Variants in WSCD2 observed in about 807,000 individuals in gnomAD.
WSCD2 encodes sialate:O-sulfotransferase 2.
In WSCD2, 28 loss-of-function variants were observed where a neutral mutation model predicts 55.7. The observed-to-expected ratio is 0.50, with a 90% CI of 0.37 to 0.69. The LOEUF is 0.69. Ranked by LOEUF, WSCD2 falls within the 30% of genes least tolerant of loss-of-function variation. WSCD2 has a pLI of 0.00. For synonymous variants in WSCD2, 301 were observed against 301.9 expected (o/e 1.00, Z 0.03); for missense variants, 616 against 762.1 (o/e 0.81, Z 2.26).
chr12:108,226,012 C>T (rs529068099), intron 5 of WSCD2, among the ~76,000 whole-genome samples: 18 of 152,182 alleles, frequency 1.2e-4, no homozygotes, highest in Middle Eastern at 3.4e-3. Flanking sequence ...CCCTTTCTCA[C>T]GGTCATGCAA....
intron 8 of WSCD2, chr12:108,244,394 T>C: frequency 1.5e-6 from 1 of 663,996 alleles, no homozygotes. Flanking sequence ...ATATCTATTG[T>C]GCTTTTGGAG....
At chr12:108,183,945 G>A (rs1882127916) in intron 1 of WSCD2, among the ~76,000 whole-genome samples, 1 of 152,204 alleles carries the variant, frequency 6.6e-6, no homozygotes, top group Admixed American at 6.5e-5. Context: ...AGAGGCAATG[G>A]CACAGGGTAC....
chr12:108,195,992 G>A lies in WSCD2; in HGVS notation c.160G>A (p.Ala54Thr). Reference sequence around the variant, plus strand: ...CTCGGGGAACCAGGCGAACCCCGCTGCTGCAGGAGGCCCAGCTGAGGGTGC... The same window carrying A: ...CTCGGGGAACCAGGCGAACCCCGCTACTGCAGGAGGCCCAGCTGAGGGTGC... ...AVSGNQANPA[A>T]AGGPAEGAEL... The change falls in exon 2 of 9, where the codon GCT (alanine) becomes ACT (threonine). Residue 54 changes from alanine (A) to threonine (T), a missense_variant. This residue lies in a region of WSCD2 where 374 missense variants were observed against 467.4 expected (regional missense o/e 0.80). Coordinates refer to ENST00000547525, the MANE Select transcript of WSCD2 (RefSeq NM_014653.4). 3 of 1,614,254 alleles carry A rather than the reference G, an allele frequency of 1.9e-6. No homozygotes were observed. The highest frequency in any genetic ancestry group is 2.5e-6 in the Non-Finnish European group (3 of 1,180,056).
intron 1 of WSCD2, among the ~76,000 whole-genome samples, chr12:108,167,081 G>C (rs367795822): frequency 2.6e-5 from 4 of 151,918 alleles, no homozygotes; most frequent in South Asian, 4.2e-4. Flanking sequence ...CAAAGTGCTG[G>C]GATTATAGGC....
At chr12:108,157,396 C>T (rs1402157672) in intron 1 of WSCD2, among the ~76,000 whole-genome samples, 15 of 152,116 alleles carry the variant, frequency 9.9e-5, no homozygotes, top group Non-Finnish European at 7.4e-5. Context: ...TGGGTTTTGA[C>T]AAGTGTATAA....
At chr12:108,214,587 G>A (rs991593496) in intron 4 of WSCD2, among the ~76,000 whole-genome samples, 3 of 152,160 alleles carry the variant, frequency 2.0e-5, no homozygotes, top group African/African-American at 7.2e-5. Context: ...ATGGCTTTAC[G>A]CGATGTTGCA....
chr12:108,179,169 G>A (rs946484657), intron 1 of WSCD2, among the ~76,000 whole-genome samples: 2 of 151,348 alleles, frequency 1.3e-5, no homozygotes, highest in Non-Finnish European at 2.9e-5. Flanking sequence ...CTAGTCCCTG[G>A]ACCAGCAGCA....
In WSCD2 at chr12:108,210,064, C is replaced by A; in HGVS notation, c.498-57C>A. 6.8e-6 allele frequency: 11 copies of A among 1,609,452 alleles called. No individual in the cohort carries two copies. The highest frequency in any genetic ancestry group is 8.5e-6 in the Non-Finnish European group (10 of 1,176,884). On this transcript the variant is annotated intron_variant, in intron 3 of 8. Coordinates refer to ENST00000547525, the MANE Select transcript of WSCD2 (RefSeq NM_014653.4). This position sits in a 1 kb window ranked among gnomAD's most constrained non-coding sequence, Gnocchi z 4.3. ...TCCCCCAGGTCTCCATGTTGTGTCTCCCTGCCTCGGGGTCTCCATGGTGGC... is the reference window on the plus strand; with the variant it reads ...TCCCCCAGGTCTCCATGTTGTGTCTACCTGCCTCGGGGTCTCCATGGTGGC...
Position 108,240,465 on chromosome 12 carries a change from C to G in WSCD2, c.1266C>G (p.Tyr422Ter). The change falls in exon 8 of 9, where the codon TAC becomes TAG. Residue 422 changes from tyrosine to a stop codon, truncating the protein, a stop_gained. Transcript: ENST00000547525. LOFTEE classifies it high-confidence loss of function. ...DAAILLIRNP[Y>*]KALMAEFNRK... Reference sequence around the variant, plus strand: ...CCATCCTGCTCATCCGCAACCCCTACAAAGCCCTCATGGCTGAGTTCAACC... The same window carrying G: ...CCATCCTGCTCATCCGCAACCCCTAGAAAGCCCTCATGGCTGAGTTCAACC... 6.2e-7 allele frequency: 1 copy of G among 1,613,930 alleles called. No homozygotes were observed. The highest frequency in any genetic ancestry group is 8.5e-7 in the Non-Finnish European group (1 of 1,179,984).
chr12:108,226,137 C>T (rs185240572), intron 5 of WSCD2, among the ~76,000 whole-genome samples: 1 of 152,096 alleles, frequency 6.6e-6, no homozygotes, highest in East Asian at 1.9e-4. Flanking sequence ...GATCCACTGG[C>T]TAGTGGATCC....
chr12:108,236,765 TG>T (rs1486029698), intron 7 of WSCD2, among the ~76,000 whole-genome samples: 3 of 152,142 alleles, frequency 2.0e-5, no homozygotes, highest in African/African-American at 7.2e-5. Flanking sequence ...CCCCAACTCC[TG>T]CCTTCTCCCC....
intron 1 of WSCD2, among the ~76,000 whole-genome samples, chr12:108,147,083 G>A (rs1461172819): frequency 6.6e-6 from 1 of 152,148 alleles, no homozygotes. Flanking sequence ...TTTTAGCACC[G>A]AATGTGTAAC....
chr12:108,244,663 C>G, intron 8 of WSCD2: 1 of 694,510 alleles, frequency 1.4e-6, no homozygotes. Flanking sequence ...TCACATACCT[C>G]ATGTGGGGAG....
chr12:108,152,219 G>C (rs1878080292), intron 1 of WSCD2, among the ~76,000 whole-genome samples: 1 of 152,242 alleles, frequency 6.6e-6, no homozygotes, highest in South Asian at 2.1e-4. Flanking sequence ...GCCAGCTCCA[G>C]TTTCAGAGAT....
chr12:108,213,581 T>A (rs1886483503), intron 4 of WSCD2, among the ~76,000 whole-genome samples: 1 of 152,138 alleles, frequency 6.6e-6, no homozygotes, highest in Non-Finnish European at 1.5e-5. Flanking sequence ...GGAGGGGACA[T>A]TTGACAAGAG....
At chr12:108,208,538 T>C (rs527346297) in intron 3 of WSCD2, among the ~76,000 whole-genome samples, 5 of 150,276 alleles carry the variant, frequency 3.3e-5, no homozygotes, top group African/African-American at 1.2e-4. Flanking sequence ...TGAGTAGGAG[T>C]TTTCTAGGTA....
At chr12:108,243,935 A>G (rs7974756) in intron 8 of WSCD2, among the ~76,000 whole-genome samples, 25,389 of 152,172 alleles carry the variant, frequency 0.17, 2,407 homozygotes, top group East Asian at 0.41. Flanking sequence ...TTGGTTCCAT[A>G]GAGTTAATTT....
At chr12:108,235,049 T>C (rs760772905) in intron 7 of WSCD2, among the ~76,000 whole-genome samples, 1 of 152,098 alleles carries the variant, frequency 6.6e-6, no homozygotes, top group East Asian at 1.9e-4. Flanking sequence ...GAAGAAGAAA[T>C]GGAATCTTAA....
At chr12:108,217,113 A>G (rs1886931680) in intron 4 of WSCD2, among the ~76,000 whole-genome samples, 1 of 152,208 alleles carries the variant, frequency 6.6e-6, no homozygotes, top group South Asian at 2.1e-4. Context: ...AGATACAACA[A>G]TCCTCATGTA....
Sources: allele counts gnomAD v4.1 joint callset (sites outside exome capture counted in the v4.1 genomes callset), GRCh38; gene constraint gnomAD v4.1.1; regional missense constraint gnomAD v4.1.1; non-coding constraint Gnocchi (gnomAD v3.1); transcripts MANE v1.5; gene names NCBI Gene and HGNC (gene_info 2026-07-23, HGNC 2026-07-21).